The following C12orf57 variants were observed in gnomAD, a reference collection of about 807,000 sequenced individuals.
C12orf57 encodes the protein protein C10.
A neutral mutation model predicts 11.3 loss-of-function variants in C12orf57; 14 were observed. That is an observed-to-expected ratio of 1.24 (90% confidence interval 0.82 to 1.94). The LOEUF (loss-of-function observed/expected upper bound fraction) is 1.94, where lower values mean the gene tolerates loss of function less well. Ranked by LOEUF, C12orf57 falls within the 30% of genes most tolerant of loss-of-function variation. The pLI, the probability that C12orf57 is intolerant of heterozygous loss-of-function variation, is 0.00. For missense variants in C12orf57, 229 were observed against 172.4 expected, an observed-to-expected ratio of 1.33 and a Z score of -1.84; for synonymous variants, 100 against 74.6, an observed-to-expected ratio of 1.34 and a Z score of -1.76.
rs782600196 is a variant in C12orf57, at chr12:6,944,141, A to G, written c.20A>G (p.Gln7Arg). Residue 7 changes from glutamine (Q) to arginine (R), a missense_variant, in exon 1 of 3, where the codon CAA (glutamine) becomes CGA (arginine). Physicochemically the swap from Gln to Arg is conservative, Grantham distance 43. Transcript: ENST00000229281. MASAST[Q>R]PAALSAEQAK... The stretch of plus-strand genomic sequence containing the variant: ...CGCCCTATGGCGTCCGCCTCGACCC[A>G]ACCGGCGGCCTTGAGCGCTGAGCAA... 3 of 1,614,228 alleles carry G rather than the reference A, an allele frequency of 1.9e-6. No individual in the cohort carries two copies. In the Middle Eastern group the frequency reaches 4.9e-4, roughly 266 times the overall value.
intron 1 of C12orf57, 119 bp from the exon 2 acceptor site, chr12:6,944,357 G>C: frequency 6.4e-7 from 1 of 1,552,826 alleles, no homozygotes; most frequent in Non-Finnish European, 8.7e-7. Context: ...CCAAGACTTG[G>C]GATCTTATTG....
At chr12:6,943,843 C>G (rs180837208), upstream of C12orf57, 61 of 888,472 alleles carry the variant, frequency 6.9e-5, no homozygotes, top group Middle Eastern at 3.7e-4. Flanking sequence ...TAGAATTTGT[C>G]TAGTAGGCTT....
intron 2 of C12orf57, chr12:6,944,934 G>A (rs1945762684): frequency 1.6e-6 from 2 of 1,237,062 alleles, no homozygotes; most frequent in African/African-American, 1.5e-5. Context: ...ACATATACAT[G>A]GATATCTTGG....
rs781909815 is a variant in C12orf57, at chr12:6,944,062, T to G, written c.-60T>G. The G allele has an allele frequency of 2.9e-5, 46 of 1,613,200 alleles. No individual in the cohort carries two copies. The highest frequency in any genetic ancestry group is 3.7e-5 in the Non-Finnish European group (44 of 1,179,884). On this transcript the variant is annotated 5_prime_UTR_variant, in exon 1 of 3. Coordinates refer to ENST00000229281, the MANE Select transcript of C12orf57 (RefSeq NM_138425.4). ...GGGCGTTGGGAACGGTTGTAGGACG[T>G]GGCTCTTTATTCGTGAGTTTTCCAT...
In C12orf57 at chr12:6,944,558, C is replaced by G; in HGVS notation, c.135C>G (p.Asn45Lys). Residue 45 changes from asparagine to lysine, a missense_variant, in exon 2 of 3, where the codon AAC (asparagine) becomes AAG (lysine). Coordinates refer to ENST00000229281, the MANE Select transcript of C12orf57 (RefSeq NM_138425.4). ...ACGAGGCTCGGGATAACGCCTGCAACGACATGGGTAAGATGCTGCAATTCG... is the reference window on the plus strand; with the variant it reads ...ACGAGGCTCGGGATAACGCCTGCAAGGACATGGGTAAGATGCTGCAATTCG... ...RMDEARDNAC[N>K]DMGKMLQFVL... The G allele has an allele frequency of 1.2e-6, 2 of 1,613,646 alleles. No homozygotes were observed. Among genetic ancestry groups the G allele is most frequent in the Non-Finnish European group, 1.7e-6 (2 of 1,179,564 alleles).
At position 6,944,107 on chromosome 12, in the gene C12orf57, A is replaced by G. The variant is rs375889443; in HGVS notation, c.-15A>G. The G allele has an allele frequency of 2.5e-6, 4 of 1,614,022 alleles. No individual in the cohort carries two copies. The highest frequency in any genetic ancestry group is 2.7e-5 in the African/African-American group (2 of 74,914). ...TTCCATTTACCTCCGCTGAACCTAG[A>G]GCTTCAGACGCCCTATGGCGTCCGC... On this transcript the variant is annotated 5_prime_UTR_variant, in exon 1 of 3. Coordinates refer to ENST00000229281, the MANE Select transcript of C12orf57 (RefSeq NM_138425.4).
At chr12:6,944,886 C>G in intron 2 of C12orf57, 1 of 1,392,534 alleles carries the variant, frequency 7.2e-7, no homozygotes, top group Non-Finnish European at 9.3e-7. Context: ...TGGTTGGGAC[C>G]GGAAGTGTTT....
rs2019743 is a variant in C12orf57, at chr12:6,945,696, G to A, written c.230-75G>A. On this transcript the variant is annotated intron_variant, in intron 2 of 2. Transcript: ENST00000229281. ...CCAGTGGGGGAGCAGTTCATGCTTA[G>A]ACTACCACCCCCTCCAGGTGTCTTA... 1,493,180 of 1,514,708 alleles carry A rather than the reference G, an allele frequency of 0.99. 736,033 individuals carry two copies. Among genetic ancestry groups the A allele is most frequent in the East Asian group, 1 (42,857 of 42,858 alleles). The allele number at this position is 1,514,708 out of a possible 1,614,324, so 93.8% of individuals were successfully genotyped here.
In C12orf57 at chr12:6,944,045, G is replaced by A. The variant is rs943588523; in HGVS notation, c.-77G>A. On this transcript the variant is annotated 5_prime_UTR_variant, in exon 1 of 3. Coordinates refer to ENST00000229281, the MANE Select transcript of C12orf57 (RefSeq NM_138425.4). Reference sequence around the variant, plus strand: ...TTCCTTTCCGCTCCCAGGGGCGTTGGGAACGGTTGTAGGACGTGGCTCTTT... The same window carrying A: ...TTCCTTTCCGCTCCCAGGGGCGTTGAGAACGGTTGTAGGACGTGGCTCTTT... The A allele has an allele frequency of 2.2e-5, 35 of 1,611,716 alleles. No individual in the cohort carries two copies. Among genetic ancestry groups the A allele is most frequent in the Admixed American group, 1.2e-4 (7 of 59,990 alleles).
upstream of C12orf57, chr12:6,943,455 C>T: frequency 2.5e-6 from 3 of 1,198,808 alleles, no homozygotes; most frequent in East Asian, 1.1e-4. Context: ...TCGGGCCGGG[C>T]ATTAGGCTCC....
Position 6,944,059 on chromosome 12 carries a change from A to G in C12orf57, c.-63A>G, listed in dbSNP as rs1555145734. 12 of 1,612,930 alleles carry G rather than the reference A, an allele frequency of 7.4e-6. No individual in the cohort carries two copies. The highest frequency in any genetic ancestry group is 6.7e-5 in the African/African-American group (5 of 74,922). ...CAGGGGCGTTGGGAACGGTTGTAGG[A>G]CGTGGCTCTTTATTCGTGAGTTTTC... On this transcript the variant is annotated 5_prime_UTR_variant, in exon 1 of 3. Coordinates refer to ENST00000229281, the MANE Select transcript of C12orf57 (RefSeq NM_138425.4).
upstream of C12orf57, chr12:6,943,490 T>A: frequency 7.9e-7 from 1 of 1,273,054 alleles, no homozygotes; most frequent in South Asian, 1.3e-5. Context: ...GACAAGGCCT[T>A]TAGGAAACTG....
upstream of C12orf57, chr12:6,943,841 G>A (rs921380928): frequency 9.5e-5 from 84 of 885,458 alleles, no homozygotes; most frequent in Admixed American, 1.3e-4. Context: ...TTTAGAATTT[G>A]TCTAGTAGGC....
At position 6,945,768 on chromosome 12, in the gene C12orf57, C is replaced by T. The variant is rs112297142; in HGVS notation, c.230-3C>T. Reference sequence around the variant, plus strand: ...AGGGTTGACCTTCCACTCCCTCTTGCAGGTGTCCTTAAGTTTGCTCGCTTG... The same window carrying T: ...AGGGTTGACCTTCCACTCCCTCTTGTAGGTGTCCTTAAGTTTGCTCGCTTG... On this transcript the variant is annotated splice_region_variant and splice_polypyrimidine_tract_variant and intron_variant, in intron 2 of 2. Transcript: ENST00000229281. 1 of 1,613,324 alleles carries T rather than the reference C, an allele frequency of 6.2e-7. No homozygotes were observed. The highest frequency in any genetic ancestry group is 1.7e-5 in the Admixed American group (1 of 59,878).
chr12:6,943,955 G>A (rs782131325), upstream of C12orf57: 37 of 1,514,896 alleles, frequency 2.4e-5, no homozygotes, highest in East Asian at 5.2e-4. Flanking sequence ...TCTTGATGCA[G>A]TTGTAAGCTT....
upstream of C12orf57, chr12:6,943,994 G>A (rs756179045): frequency 2.1e-5 from 33 of 1,588,920 alleles, no homozygotes; most frequent in Middle Eastern, 1.8e-4. Context: ...CCACGCCTGG[G>A]CGCTTCCGGC....
Position 6,944,104 on chromosome 12 carries a change from T to G in C12orf57, c.-18T>G. The G allele has an allele frequency of 6.2e-7, 1 of 1,614,142 alleles. No individual in the cohort carries two copies. Among genetic ancestry groups the G allele is most frequent in the South Asian group, 1.1e-5 (1 of 91,086 alleles). On this transcript the variant is annotated 5_prime_UTR_variant, in exon 1 of 3. Transcript: ENST00000229281. ...GTTTTCCATTTACCTCCGCTGAACC[T>G]AGAGCTTCAGACGCCCTATGGCGTC...
chr12:6,945,118 GA>G, intron 2 of C12orf57: 1 of 256,250 alleles, frequency 3.9e-6, no homozygotes. Context: ...GTCAGGTGTG[GA>G]ATTTTCCATT....
At chr12:6,943,880 T>TTATG, upstream of C12orf57, 1 of 1,008,766 alleles carries the variant, frequency 9.9e-7, no homozygotes, top group Non-Finnish European at 1.4e-6. Flanking sequence ...AAAGCCCCTC[T>TTATG]TATGATGTTT....
Sources: allele counts gnomAD v4.1 joint callset, GRCh38; gene constraint gnomAD v4.1.1; transcripts MANE v1.5; gene names NCBI Gene and HGNC (gene_info 2026-07-23, HGNC 2026-07-21).